The following ZNF484 variants were observed in gnomAD, a reference collection of about 807,000 sequenced individuals.
The protein encoded by ZNF484 is KRAB box containing C2H2 type zinc finger bA526D8.4.
In ZNF484, 11 loss-of-function variants were observed where a neutral mutation model predicts 12.9. The ratio of observed to expected loss-of-function variants is 0.85; its 90% confidence interval spans 0.54 to 1.41. The LOEUF (loss-of-function observed/expected upper bound fraction) is 1.41, where lower values mean the gene tolerates loss of function less well. Ranked by LOEUF, ZNF484 falls within the 40% of genes most tolerant of loss-of-function variation. ZNF484 has a pLI of 0.00. For synonymous variants in ZNF484, 289 were observed against 334.1 expected (o/e 0.86, Z 1.47); for missense variants, 807 against 1,007.7 (o/e 0.80, Z 2.70).
At chr9:92,876,073 G>T (rs999073577) in intron 1 of ZNF484, among the ~76,000 whole-genome samples, 1 of 152,016 alleles carries the variant, frequency 6.6e-6, no homozygotes, top group Non-Finnish European at 1.5e-5. Flanking sequence ...AATGTAAAAT[G>T]AACCACACAA....
intron 2 of ZNF484, 122 bp downstream of exon 2, chr9:92,874,893 C>T: frequency 1.1e-6 from 1 of 944,790 alleles, no homozygotes; most frequent in Non-Finnish European, 1.6e-6. Flanking sequence ...TTCATTTTAT[C>T]TGATCTTAGT....
At chr9:92,860,327 G>T (rs558363413) in intron 2 of ZNF484, among the ~76,000 whole-genome samples, 77 of 152,150 alleles carry the variant, frequency 5.1e-4, no homozygotes, top group Non-Finnish European at 7.9e-4. Context: ...TTGAGGCCAG[G>T]CGCGGTGGCT....
intron 2 of ZNF484, among the ~76,000 whole-genome samples, chr9:92,868,336 A>G (rs1473883634): frequency 6.6e-6 from 1 of 152,218 alleles, no homozygotes; most frequent in African/African-American, 2.4e-5. Flanking sequence ...AAGAGCTGAA[A>G]TGAATAGCAT....
At chr9:92,864,402 G>A (rs1270123394) in intron 2 of ZNF484, among the ~76,000 whole-genome samples, 1 of 152,034 alleles carries the variant, frequency 6.6e-6, no homozygotes, top group Non-Finnish European at 1.5e-5. Flanking sequence ...CAAGTGACGT[G>A]AGGTTGAAAA....
At position 92,846,053 on chromosome 9, in the gene ZNF484, CAAGA is replaced by C. The variant is rs1471801579; in HGVS notation, c.*171_*174del. ...AAAACTGTTTGCCCAAAAAGTGAAA[CAAGA>C]AAGACTGCCAATCATCTCCTTGCAC... On this transcript the variant is annotated 3_prime_UTR_variant, in exon 5 of 5. Transcript: ENST00000375495. 1 of 658,686 alleles carries C rather than the reference CAAGA, an allele frequency of 1.5e-6. No homozygotes were observed. The highest frequency in any genetic ancestry group is 1.8e-5 in the African/African-American group (1 of 55,006). The allele number at this position is 658,686 out of a possible 1,614,324, so 40.8% of individuals were successfully genotyped here.
chr9:92,846,060 G>A lies in ZNF484; in HGVS notation c.*168C>T, dbSNP rs1356908875. On this transcript the variant is annotated 3_prime_UTR_variant, in exon 5 of 5. Transcript: ENST00000375495. ...TTTGCCCAAAAAGTGAAACAAGAAA[G>A]ACTGCCAATCATCTCCTTGCACATT... 1 of 667,868 alleles carries A rather than the reference G, an allele frequency of 1.5e-6. No individual in the cohort carries two copies. The highest frequency in any genetic ancestry group is 2.8e-5 in the East Asian group (1 of 35,378). The allele number at this position is 667,868 out of a possible 1,614,324, so 41.4% of individuals were successfully genotyped here.
In ZNF484 at chr9:92,848,488, T is replaced by G; in HGVS notation, c.299A>C (p.Glu100Ala). 6.2e-7 allele frequency: 1 copy of G among 1,612,262 alleles called. No individual in the cohort carries two copies. The highest frequency in any genetic ancestry group is 8.5e-7 in the Non-Finnish European group (1 of 1,179,664). ...RMSEEVSFQS[E>A]ININLFTRDD... ...TCTTGTGAAGAGATTAATATTAATC[T>G]CAGACTGGAAAGAAACTTCTTCAGA... The change falls in exon 5 of 5, where the codon GAG becomes GCG. Residue 100 changes from glutamate to alanine, a missense_variant. By Grantham distance (107) the Glu-to-Ala change is moderately radical. Transcript: ENST00000375495. This position sits in a 1 kb window ranked among gnomAD's most constrained non-coding sequence, Gnocchi z 4.1.
intron 2 of ZNF484, among the ~76,000 whole-genome samples, chr9:92,857,246 A>C (rs1856521248): frequency 6.6e-6 from 1 of 152,172 alleles, no homozygotes; most frequent in Non-Finnish European, 1.5e-5. Context: ...AGAGGAGAGA[A>C]TATTAAAGAT....
chr9:92,855,204 A>G (rs960532971), intron 4 of ZNF484, among the ~76,000 whole-genome samples: 2 of 152,168 alleles, frequency 1.3e-5, no homozygotes, highest in African/African-American at 4.8e-5. Flanking sequence ...AGATATGAAA[A>G]TAAATAAATT....
intron 2 of ZNF484, among the ~76,000 whole-genome samples, chr9:92,873,496 C>G (rs1350705567): frequency 6.6e-6 from 1 of 152,176 alleles, no homozygotes; most frequent in Non-Finnish European, 1.5e-5. Context: ...AGCCCTGTAA[C>G]ACTTAAAGAA....
At chr9:92,877,083 C>G (rs1260020959) in intron 1 of ZNF484, among the ~76,000 whole-genome samples, 2 of 152,028 alleles carry the variant, frequency 1.3e-5, no homozygotes, top group Admixed American at 6.5e-5. Flanking sequence ...AATGAATAAA[C>G]TCTCCTAAAT....
At chr9:92,868,738 C>A (rs915561400) in intron 2 of ZNF484, among the ~76,000 whole-genome samples, 1 of 152,046 alleles carries the variant, frequency 6.6e-6, no homozygotes, top group African/African-American at 2.4e-5. Flanking sequence ...CCAACTCTCA[C>A]GGAACTCATA....
intron 2 of ZNF484, among the ~76,000 whole-genome samples, chr9:92,856,953 T>C (rs1264198545): frequency 6.6e-6 from 1 of 152,204 alleles, no homozygotes. Context: ...CTCGATCTCC[T>C]GACCTCGTGA....
Position 92,857,208 on chromosome 9 carries a change from T to C in ZNF484, c.16-890A>G, listed in dbSNP as rs1186309247. Among the ~76,000 whole-genome samples, 5 of 152,178 alleles carry C rather than the reference T, an allele frequency of 3.3e-5. No homozygotes were observed. The South Asian group carries it at 8.3e-4, about 25-fold the overall frequency. ...TCAAAGCACTGGAAAGCTGCTGAGG[T>C]AGCAAGAAATATAGGGGCTAAGACT... On this transcript the variant is annotated intron_variant, in intron 2 of 4. Coordinates refer to ENST00000375495, the MANE Select transcript of ZNF484 (RefSeq NM_031486.4).
At chr9:92,850,421 T>C (rs1307553215) in intron 4 of ZNF484, among the ~76,000 whole-genome samples, 1 of 152,244 alleles carries the variant, frequency 6.6e-6, no homozygotes, top group East Asian at 1.9e-4. Flanking sequence ...TATGATCCAC[T>C]GTGCCCTAAA....
intron 2 of ZNF484, among the ~76,000 whole-genome samples, chr9:92,874,457 G>A (rs1042004866): frequency 2.0e-5 from 3 of 151,822 alleles, no homozygotes; most frequent in African/African-American, 4.8e-5. Flanking sequence ...GATTACAGGC[G>A]CCCGCCACCA....
At chr9:92,853,911 C>T (rs987171169) in intron 4 of ZNF484, among the ~76,000 whole-genome samples, 3 of 150,890 alleles carry the variant, frequency 2.0e-5, no homozygotes, top group African/African-American at 7.3e-5. Flanking sequence ...ATTTGTTACT[C>T]ACATAATGAG....
chr9:92,872,277 AAG>A (rs936908087), intron 2 of ZNF484, among the ~76,000 whole-genome samples: 3 of 118,506 alleles, frequency 2.5e-5, no homozygotes, highest in Non-Finnish European at 5.1e-5. Context: ...GAGGCAATAA[AAG>A]AGAGTCAGAG....
chr9:92,865,735 C>T (rs1239339117), intron 2 of ZNF484, among the ~76,000 whole-genome samples: 2 of 151,802 alleles, frequency 1.3e-5, no homozygotes, highest in Admixed American at 1.3e-4. Flanking sequence ...AGCAAGACGC[C>T]GTCTCTACAA....
Sources: gnomAD v4.1 joint callset for allele counts (sites outside exome capture counted in the v4.1 genomes callset) on GRCh38, gnomAD v4.1.1 for gene constraint, Gnocchi (gnomAD v3.1) non-coding constraint, MANE v1.5 for transcripts, NCBI Gene and HGNC (gene_info 2026-07-23, HGNC 2026-07-21) for gene names.